The following TECTA variants were observed in gnomAD, a reference collection of about 807,000 sequenced individuals.
The protein encoded by TECTA is tectorin alpha.
A neutral mutation model predicts 216.8 loss-of-function variants in TECTA; 128 were observed. The ratio of observed to expected loss-of-function variants is 0.59; its 90% CI spans 0.51 to 0.68. The LOEUF is 0.68. TECTA is among the 30% of genes least tolerant of loss of function. TECTA has a pLI of 0.00. For synonymous variants in TECTA, 1,089 were observed against 1,117.1 expected (o/e 0.97, Z 0.50); for missense variants, 2,551 against 2,786.2 (o/e 0.92, Z 1.90).
At chr11:121,136,190 A>G (rs376121244) in intron 10 of TECTA, among the ~76,000 whole-genome samples, 2 of 151,992 alleles carry the variant, frequency 1.3e-5, no homozygotes, top group African/African-American at 4.8e-5. Flanking sequence ...TGAACTCCTG[A>G]CCTCAGGTGA....
chr11:121,179,473 T>C (rs1217140284), intron 20 of TECTA, among the ~76,000 whole-genome samples: 1 of 152,150 alleles, frequency 6.6e-6, no homozygotes, highest in Non-Finnish European at 1.5e-5. Flanking sequence ...TCTTGGAAAA[T>C]ATTCTGTGTA....
intron 20 of TECTA, among the ~76,000 whole-genome samples, chr11:121,173,345 C>G (rs1180270861): frequency 6.7e-6 from 1 of 148,738 alleles, no homozygotes; most frequent in African/African-American, 2.5e-5. Flanking sequence ...AGTCTTTAAT[C>G]CATCTTGAAT....
chr11:121,106,327 G>A (rs1052418054), intron 3 of TECTA, among the ~76,000 whole-genome samples: 1 of 152,162 alleles, frequency 6.6e-6, no homozygotes, highest in Non-Finnish European at 1.5e-5. Context: ...CCTTCTGGGG[G>A]TGTGAAAAGT....
At position 121,184,146 on chromosome 11, in the gene TECTA, A is replaced by T. The variant is rs533158745; in HGVS notation, c.6000-3686A>T. Among the ~76,000 whole-genome samples, 69 of 152,322 alleles carry T rather than the reference A, an allele frequency of 4.5e-4. 1 individual carries two copies. The highest frequency in any genetic ancestry group is 3.4e-3 in the Middle Eastern group (1 of 294). On this transcript the variant is annotated intron_variant, in intron 20 of 23. Coordinates refer to ENST00000392793, the MANE Select transcript of TECTA (RefSeq NM_005422.4). ...TTAATCACAATTCTAAGTGGTAGAGACCCATTCAAACTAGTTTATGCAAAA... is the reference window on the plus strand; with the variant it reads ...TTAATCACAATTCTAAGTGGTAGAGTCCCATTCAAACTAGTTTATGCAAAA...
At chr11:121,111,924 T>C (rs1457683854) in intron 4 of TECTA, among the ~76,000 whole-genome samples, 3 of 152,184 alleles carry the variant, frequency 2.0e-5, no homozygotes, top group East Asian at 1.9e-4. Flanking sequence ...CTGTTCTTAC[T>C]CATAGCTTGC....
At chr11:121,108,836 C>A (rs931934483) in intron 3 of TECTA, among the ~76,000 whole-genome samples, 1 of 141,488 alleles carries the variant, frequency 7.1e-6, no homozygotes, top group Admixed American at 7.0e-5. Context: ...CGCACCTCAC[C>A]CCAGTACACA....
At chr11:121,132,780 C>T (rs946513559) in intron 10 of TECTA, among the ~76,000 whole-genome samples, 2 of 152,134 alleles carry the variant, frequency 1.3e-5, no homozygotes, top group South Asian at 2.1e-4. Flanking sequence ...AGTGCAGTGG[C>T]ATGACCTCAG....
At chr11:121,143,249 A>G (rs1329612418) in intron 11 of TECTA, among the ~76,000 whole-genome samples, 4 of 151,870 alleles carry the variant, frequency 2.6e-5, no homozygotes, top group Non-Finnish European at 2.9e-5. Flanking sequence ...GTGCATTTTC[A>G]TCTCCCACCA....
chr11:121,187,724 C>T, intron 20 of TECTA, 108 bp from the exon 21 acceptor site: 3 of 1,250,870 alleles, frequency 2.4e-6, no homozygotes, highest in Non-Finnish European at 3.5e-6. Context: ...GGCATTTCTG[C>T]CATTTATGGT....
rs746008225 is a variant in TECTA at position 121,168,225 on chromosome 11, GTC to G, written c.5750+11_5750+12del. 6.2e-7 allele frequency: 1 copy of G among 1,614,156 alleles called. No homozygotes were observed. The highest frequency in any genetic ancestry group is 1.3e-5 in the African/African-American group (1 of 75,050). The stretch of plus-strand genomic sequence containing the variant: ...TGTGAAGCCTATGCTAAGGTAAGGT[GTC>G]TCCTGGGCTGTGCACATTGCTTTTT... On this transcript the variant is annotated intron_variant, in intron 19 of 23. Transcript: ENST00000392793.
chr11:121,178,339 G>A (rs933971103), intron 20 of TECTA, among the ~76,000 whole-genome samples: 4 of 152,076 alleles, frequency 2.6e-5, no homozygotes, highest in Admixed American at 2.0e-4. Context: ...CCGTTCTATT[G>A]TTCATTCTTA....
intron 7 of TECTA, among the ~76,000 whole-genome samples, chr11:121,120,942 T>C (rs1259700999): frequency 3.3e-5 from 5 of 152,198 alleles, no homozygotes; most frequent in Non-Finnish European, 7.4e-5. Flanking sequence ...AGCTTCGTTT[T>C]CTTTGTGAGA....
chr11:121,169,274 G>A (rs1565536543), intron 20 of TECTA, among the ~76,000 whole-genome samples: 1 of 152,170 alleles, frequency 6.6e-6, no homozygotes, highest in Non-Finnish European at 1.5e-5. Flanking sequence ...ATGAAAGAAT[G>A]TAATGACAAT....
intron 16 of TECTA, among the ~76,000 whole-genome samples, chr11:121,164,347 A>G (rs1947030199): frequency 2.0e-5 from 3 of 152,228 alleles, no homozygotes; most frequent in African/African-American, 7.2e-5. Flanking sequence ...CTTGAAGCCA[A>G]CTTGGCTCAT....
intron 16 of TECTA, among the ~76,000 whole-genome samples, chr11:121,164,956 G>C (rs543933896): frequency 2.0e-4 from 30 of 152,330 alleles, no homozygotes; most frequent in Admixed American, 1.2e-3. Context: ...CTGGGGTTAA[G>C]AGCATCTGTG....
At chr11:121,142,790 G>T (rs1030365351) in intron 11 of TECTA, among the ~76,000 whole-genome samples, 1 of 151,980 alleles carries the variant, frequency 6.6e-6, no homozygotes, top group South Asian at 2.1e-4. Context: ...TCCAGGTGCC[G>T]AGAGTGAGGC....
At chr11:121,116,313 C>A (rs1170749476) in intron 6 of TECTA, among the ~76,000 whole-genome samples, 3 of 152,140 alleles carry the variant, frequency 2.0e-5, no homozygotes, top group South Asian at 4.1e-4. Context: ...ATAGCCTGGA[C>A]CAGGGGCCTC....
intron 21 of TECTA, 131 bp downstream of exon 21, chr11:121,188,125 T>C: frequency 1.1e-6 from 1 of 923,762 alleles, no homozygotes; most frequent in Non-Finnish European, 1.7e-6. Context: ...CAGTCATCTT[T>C]GATGGGACAG....
At chr11:121,122,687 AAAAAAAG>A (rs1390392909) in intron 7 of TECTA, among the ~76,000 whole-genome samples, 6 of 146,650 alleles carry the variant, frequency 4.1e-5, no homozygotes, top group African/African-American at 1.3e-4. Flanking sequence ...AAAAAAAAAA[AAAAAAAG>A]AAAGCCAAAA....
Sources: gnomAD v4.1 joint callset for allele counts (sites outside exome capture counted in the v4.1 genomes callset) on GRCh38, gnomAD v4.1.1 for gene constraint, MANE v1.5 for transcripts, NCBI Gene and HGNC (gene_info 2026-07-23, HGNC 2026-07-21) for gene names.